The following AMD1 variants were observed in gnomAD, a reference collection of about 807,000 sequenced individuals.
The protein encoded by AMD1 is S-adenosylmethionine decarboxylase proenzyme.
AMD1 carries 11 observed loss-of-function variants against 40.2 expected under a neutral mutation model. That is an observed-to-expected ratio of 0.27 (90% CI 0.17 to 0.45). The LOEUF is 0.45. Among genes scored for constraint, AMD1 ranks in the 20% least tolerant of loss-of-function variants. The pLI, the probability that AMD1 is intolerant of heterozygous loss-of-function variation, is 1.00. For synonymous variants in AMD1, 121 were observed against 130.8 expected, an observed-to-expected ratio of 0.93 and a Z score of 0.51; for missense variants, 257 against 410.2, an observed-to-expected ratio of 0.63 and a Z score of 3.23.
At chr6:110,882,386 A>G (rs1488591315) in intron 1 of AMD1, among the ~76,000 whole-genome samples, 1 of 152,244 alleles carries the variant, frequency 6.6e-6, no homozygotes, top group Non-Finnish European at 1.5e-5. Context: ...GTCTGTTGCA[A>G]TTACTCAGCT....
chr6:110,832,055 CA>C, the AMD1 span, among the ~76,000 whole-genome samples: 3 of 149,196 alleles, frequency 2.0e-5, no homozygotes, highest in South Asian at 6.4e-4. Context: ...CTCTGTCGCC[CA>C]GGCTGGAGTG....
the AMD1 span, chr6:110,815,247 G>T: frequency 8.2e-7 from 1 of 1,214,888 alleles, no homozygotes; most frequent in Non-Finnish European, 1.0e-6. Context: ...CCTCTCGCGC[G>T]CGCGCGCGCG....
At chr6:110,830,173 C>A in the AMD1 span, among the ~76,000 whole-genome samples, 7 of 152,078 alleles carry the variant, frequency 4.6e-5, no homozygotes, top group African/African-American at 1.7e-4. Flanking sequence ...CGCCACCATA[C>A]CCAGCTAATT....
intron 3 of AMD1, chr6:110,890,030 A>T: frequency 2.3e-6 from 1 of 429,886 alleles, no homozygotes; most frequent in Non-Finnish European, 4.1e-6. Context: ...AGAGAGAGAG[A>T]TGGGGCCTCA....
intron 1 of AMD1, among the ~76,000 whole-genome samples, chr6:110,876,418 T>TG (rs1785118720): frequency 6.6e-6 from 1 of 152,176 alleles, no homozygotes; most frequent in East Asian, 1.9e-4. Context: ...CCCCAGGGTG[T>TG]GGACCAATGG....
At chr6:110,860,839 A>C in the AMD1 span, among the ~76,000 whole-genome samples, 4 of 146,910 alleles carry the variant, frequency 2.7e-5, no homozygotes, top group Non-Finnish European at 6.0e-5. Context: ...CCACCCACAC[A>C]CACACACACA....
chr6:110,886,403 G>A (rs1785688647), intron 1 of AMD1, among the ~76,000 whole-genome samples: 2 of 151,964 alleles, frequency 1.3e-5, no homozygotes, highest in East Asian at 1.9e-4. Flanking sequence ...GATTACAGGC[G>A]ATTCTCCTGC....
At chr6:110,840,558 G>A in the AMD1 span, among the ~76,000 whole-genome samples, 1 of 152,146 alleles carries the variant, frequency 6.6e-6, no homozygotes, top group Non-Finnish European at 1.5e-5. Context: ...GGGGGAAGGG[G>A]CTCAGAGCTT....
intron 4 of AMD1, chr6:110,891,859 C>T (rs1236973485): frequency 2.8e-6 from 1 of 355,014 alleles, no homozygotes; most frequent in Admixed American, 4.6e-5. Flanking sequence ...TCTCCTGCCT[C>T]AGCCTCCCAA....
At chr6:110,842,888 A>C in the AMD1 span, among the ~76,000 whole-genome samples, 1 of 152,200 alleles carries the variant, frequency 6.6e-6, no homozygotes, top group African/African-American at 2.4e-5. Flanking sequence ...TAATCCCAGC[A>C]ATTTGGGAGG....
the AMD1 span, among the ~76,000 whole-genome samples, chr6:110,850,104 C>T: frequency 2.0e-5 from 3 of 150,832 alleles, no homozygotes; most frequent in Admixed American, 6.6e-5. Flanking sequence ...TCCACAATAA[C>T]GTTAAAAGAG....
At position 110,892,732 on chromosome 6, in the gene AMD1, C is replaced by CCCA. The variant is rs397748331; in HGVS notation, c.616-3_616-2insCCA. 1 of 1,611,936 alleles carries CCCA rather than the reference C, an allele frequency of 6.2e-7. No individual in the cohort carries two copies. The highest frequency in any genetic ancestry group is 1.3e-5 in the African/African-American group (1 of 74,758). ...GTTAAACTCGGTCTTTTTCCCCCCC[C>CCCA]AGGAGAGTGGAATTCGTGACCTGAT... On this transcript the variant is annotated splice_region_variant and splice_polypyrimidine_tract_variant and intron_variant, in intron 6 of 8. Transcript: ENST00000368885.
the AMD1 span, among the ~76,000 whole-genome samples, chr6:110,833,637 G>T: frequency 6.6e-6 from 1 of 152,128 alleles, no homozygotes; most frequent in South Asian, 2.1e-4. Flanking sequence ...ATTAATTAAA[G>T]TTGTTTTTTA....
intron 1 of AMD1, among the ~76,000 whole-genome samples, chr6:110,878,727 A>G (rs1785239547): frequency 6.6e-6 from 1 of 152,204 alleles, no homozygotes; most frequent in African/African-American, 2.4e-5. Flanking sequence ...TGAGAGTAGT[A>G]AGAAGGAAAT....
At chr6:110,838,063 CAAA>C in the AMD1 span, among the ~76,000 whole-genome samples, 4 of 61,154 alleles carry the variant, frequency 6.5e-5, no homozygotes, top group African/African-American at 6.0e-5. Flanking sequence ...GACTCCGTCT[CAAA>C]AAAAAAAAAA....
At chr6:110,867,750 C>G in the AMD1 span, among the ~76,000 whole-genome samples, 1 of 152,122 alleles carries the variant, frequency 6.6e-6, no homozygotes, top group Non-Finnish European at 1.5e-5. Context: ...AATTTAAAAA[C>G]ATTCATAGAG....
chr6:110,850,117 G>C, the AMD1 span, among the ~76,000 whole-genome samples: 1 of 151,176 alleles, frequency 6.6e-6, no homozygotes, highest in Non-Finnish European at 1.5e-5. Flanking sequence ...TAAAAGAGCC[G>C]ATCTCTTCAT....
chr6:110,832,172 T>A, the AMD1 span, among the ~76,000 whole-genome samples: 25 of 150,018 alleles, frequency 1.7e-4, no homozygotes, highest in East Asian at 4.9e-3. Context: ...ACCTGGCTAA[T>A]TTTTTTGTAT....
At chr6:110,845,678 A>C in the AMD1 span, among the ~76,000 whole-genome samples, 1 of 152,172 alleles carries the variant, frequency 6.6e-6, no homozygotes, top group African/African-American at 2.4e-5. Context: ...AGGGGTTCTC[A>C]GGCCTTAGGC....
Sources: gnomAD v4.1 joint callset for allele counts (sites outside exome capture counted in the v4.1 genomes callset) on GRCh38, gnomAD v4.1.1 for gene constraint, MANE v1.5 for transcripts, NCBI Gene and HGNC (gene_info 2026-07-23, HGNC 2026-07-21) for gene names.